The following SYN3 variants were observed in gnomAD, a reference collection of about 807,000 sequenced individuals.
SYN3 encodes the protein synapsin III.
In SYN3, 35 loss-of-function variants were observed where a neutral mutation model predicts 65.8. The ratio of observed to expected loss-of-function variants is 0.53; its 90% confidence interval spans 0.41 to 0.70. SYN3 has a LOEUF of 0.70. Ranked by LOEUF, SYN3 falls within the 30% of genes least tolerant of loss-of-function variation. The probability of loss-of-function intolerance (pLI) is 0.00; values close to 1 mark genes in which losing one functional copy is unlikely to be tolerated. For missense variants in SYN3, 680 were observed against 749.0 expected (o/e 0.91, Z 1.08); for synonymous variants, 270 against 292.9 (o/e 0.92, Z 0.80).
chr22:33,000,865 G>C (rs2053040173), intron 2 of SYN3, among the ~76,000 whole-genome samples: 1 of 152,174 alleles, frequency 6.6e-6, no homozygotes, highest in South Asian at 2.1e-4. Flanking sequence ...AGGCATTGTG[G>C]GGCTGCCCTG....
intron 6 of SYN3, among the ~76,000 whole-genome samples, chr22:32,847,792 A>C (rs2048110499): frequency 6.6e-6 from 1 of 152,212 alleles, no homozygotes; most frequent in African/African-American, 2.4e-5. Flanking sequence ...TGAGATAAGA[A>C]AGATTGATAG....
chr22:32,689,292 C>A (rs891071102), intron 6 of SYN3, among the ~76,000 whole-genome samples: 3 of 152,156 alleles, frequency 2.0e-5, no homozygotes, highest in Non-Finnish European at 4.4e-5. Context: ...GACATTGGAG[C>A]CAGACAGACC....
intron 4 of SYN3, among the ~76,000 whole-genome samples, chr22:32,879,066 C>T (rs1456182545): frequency 6.6e-6 from 1 of 151,824 alleles, no homozygotes; most frequent in Non-Finnish European, 1.5e-5. Flanking sequence ...CACACACAGA[C>T]ACACACATAC....
intron 6 of SYN3, among the ~76,000 whole-genome samples, chr22:32,675,941 G>T (rs1479767148): frequency 6.6e-6 from 1 of 152,144 alleles, no homozygotes; most frequent in Non-Finnish European, 1.5e-5. Flanking sequence ...AGGACCACAG[G>T]TGAACTGGAG....
chr22:32,541,436 G>A, intron 8 of SYN3, 135 bp downstream of exon 8: 1 of 1,132,570 alleles, frequency 8.8e-7, no homozygotes. Context: ...AGCCACACTG[G>A]ACAGAGAAGA....
At chr22:32,999,100 A>T (rs957373081) in intron 2 of SYN3, among the ~76,000 whole-genome samples, 19 of 152,190 alleles carry the variant, frequency 1.2e-4, no homozygotes, top group African/African-American at 4.1e-4. Context: ...TTGTTCTTGC[A>T]GAAGAGACGA....
intron 4 of SYN3, among the ~76,000 whole-genome samples, chr22:32,916,814 T>C (rs1475232332): frequency 1.3e-5 from 2 of 152,196 alleles, no homozygotes; most frequent in Non-Finnish European, 2.9e-5. Flanking sequence ...AATAAACTAG[T>C]GGATCAACAA....
chr22:33,026,684 C>G (rs1193929599), intron 1 of SYN3, among the ~76,000 whole-genome samples: 2 of 152,152 alleles, frequency 1.3e-5, no homozygotes, highest in Non-Finnish European at 2.9e-5. Context: ...CCTGTTGCCC[C>G]TGGGAGGACC....
intron 6 of SYN3, among the ~76,000 whole-genome samples, chr22:32,779,349 A>T (rs2045978912): frequency 6.6e-6 from 1 of 152,196 alleles, no homozygotes. Flanking sequence ...AGTCCCAGCT[A>T]CTCAGGAGGC....
intron 2 of SYN3, among the ~76,000 whole-genome samples, chr22:33,003,133 C>T (rs1022590651): frequency 2.0e-5 from 3 of 152,130 alleles, no homozygotes; most frequent in Non-Finnish European, 2.9e-5. Context: ...CAATTAAACC[C>T]GTTTTCCTTT....
At chr22:32,603,007 C>T (rs995579699) in intron 6 of SYN3, among the ~76,000 whole-genome samples, 11 of 150,516 alleles carry the variant, frequency 7.3e-5, no homozygotes, top group Non-Finnish European at 1.6e-4. Context: ...TGGAGTCTCG[C>T]TCTGTCGCCC....
chr22:33,040,116 C>T (rs1313505847), intron 1 of SYN3, among the ~76,000 whole-genome samples: 2 of 151,574 alleles, frequency 1.3e-5, no homozygotes, highest in African/African-American at 4.8e-5. Context: ...TGCCCGCCAC[C>T]ACACCCAGCT....
intron 6 of SYN3, among the ~76,000 whole-genome samples, chr22:32,619,304 G>T (rs1273242881): frequency 6.6e-6 from 1 of 152,094 alleles, no homozygotes; most frequent in African/African-American, 2.4e-5. Flanking sequence ...AATTTAAATG[G>T]CACATAGACC....
chr22:32,724,124 G>C (rs905042059), intron 6 of SYN3, among the ~76,000 whole-genome samples: 1 of 152,250 alleles, frequency 6.6e-6, no homozygotes, highest in Non-Finnish European at 1.5e-5. Flanking sequence ...ATCCAGCAAG[G>C]AGTGGTGAAG....
chr22:33,004,836 CA>C (rs749751224), intron 2 of SYN3, among the ~76,000 whole-genome samples: 4 of 152,002 alleles, frequency 2.6e-5, no homozygotes, highest in Non-Finnish European at 5.9e-5. Flanking sequence ...TGGGAGGGGC[CA>C]GGGGTGGAAT....
At chr22:32,806,713 T>C (rs966139228) in intron 6 of SYN3, among the ~76,000 whole-genome samples, 5 of 152,246 alleles carry the variant, frequency 3.3e-5, no homozygotes, top group African/African-American at 7.2e-5. Flanking sequence ...TACAAGTATA[T>C]GAATACATTC....
intron 4 of SYN3, among the ~76,000 whole-genome samples, chr22:32,919,821 A>G (rs2050288396): frequency 2.6e-5 from 4 of 152,018 alleles, no homozygotes; most frequent in Admixed American, 2.6e-4. Flanking sequence ...CGCTGGGAGG[A>G]TTTGGAAAAG....
chr22:32,550,973 A>C (rs990017128), intron 7 of SYN3, among the ~76,000 whole-genome samples: 1 of 152,266 alleles, frequency 6.6e-6, no homozygotes, highest in African/African-American at 2.4e-5. Flanking sequence ...ATAGATTGAA[A>C]TACATCAAAT....
At chr22:32,887,913 A>G (rs1286330151) in intron 4 of SYN3, among the ~76,000 whole-genome samples, 1 of 152,230 alleles carries the variant, frequency 6.6e-6, no homozygotes, top group Non-Finnish European at 1.5e-5. Flanking sequence ...TTAACTTTAT[A>G]AGGAACTGCC....
Sources: allele counts gnomAD v4.1 joint callset (sites outside exome capture counted in the v4.1 genomes callset), GRCh38; gene constraint gnomAD v4.1.1; transcripts MANE v1.5; gene names NCBI Gene and HGNC (gene_info 2026-07-23, HGNC 2026-07-21).